The following IREB2 variants were observed in gnomAD, a reference collection of about 807,000 sequenced individuals.
IREB2 encodes iron responsive element binding protein 2, also known as iron-responsive element-binding protein 2.
A neutral mutation model predicts 118.8 loss-of-function variants in IREB2; 39 were observed. The ratio of observed to expected loss-of-function variants is 0.33; its 90% CI spans 0.25 to 0.43. IREB2 has a LOEUF of 0.43. Ranked by LOEUF, IREB2 falls within the 20% of genes least tolerant of loss-of-function variation. IREB2 has a pLI of 1.00. For synonymous variants in IREB2, 372 were observed against 392.2 expected (o/e 0.95, Z 0.61); for missense variants, 900 against 1,147.3 (o/e 0.78, Z 3.11).
intron 2 of IREB2, among the ~76,000 whole-genome samples, chr15:78,457,017 G>A (rs1192947642): frequency 6.6e-6 from 1 of 152,176 alleles, no homozygotes; most frequent in Non-Finnish European, 1.5e-5. Flanking sequence ...TCAATGTTGA[G>A]CATTTATGTT....
intron 13 of IREB2, among the ~76,000 whole-genome samples, chr15:78,486,675 A>C (rs969011307): frequency 1.3e-5 from 2 of 151,564 alleles, no homozygotes; most frequent in African/African-American, 2.4e-5. Context: ...TTGTGTGGGG[A>C]TTTTTTGGTT....
At position 78,484,815 on chromosome 15, in the gene IREB2, A is replaced by G. The variant is rs375327094; in HGVS notation, c.1468A>G (p.Ile490Val). The G allele has an allele frequency of 3.1e-6, 5 of 1,613,602 alleles. No individual in the cohort carries two copies. Among genetic ancestry groups the G allele is most frequent in the Non-Finnish European group, 3.4e-6 (4 of 1,179,586 alleles). The change falls in exon 12 of 22, where the codon ATT becomes GTT. Residue 490 changes from isoleucine (I) to valine (V), a missense_variant. Ile to Val is a conservative substitution (Grantham distance 29, BLOSUM62 3). Transcript: ENST00000258886. ...TGAAAAACAAAAGGATATTGTCTCC[A>G]TTCATTATGAAGGAAGTGAATATAA... ...AAEKQKDIVS[I>V]HYEGSEYKLS...
intron 8 of IREB2, chr15:78,474,498 T>G (rs2141494008): frequency 6.6e-6 from 1 of 152,360 alleles, no homozygotes; most frequent in Admixed American, 6.5e-5. Flanking sequence ...AATTCTTTAC[T>G]TTAGACATCC....
intron 13 of IREB2, among the ~76,000 whole-genome samples, chr15:78,486,809 G>A (rs550753832): frequency 7.9e-5 from 12 of 152,072 alleles, no homozygotes; most frequent in South Asian, 2.1e-4. Context: ...GGCTGGGACC[G>A]CAGGTGTGCA....
chr15:78,483,290 CT>C, intron 10 of IREB2, 27 bp from the exon 11 acceptor site: 1 of 1,053,406 alleles, frequency 9.5e-7, no homozygotes, highest in Non-Finnish European at 1.5e-6. Flanking sequence ...ATTCTAATTC[CT>C]TGTTCTTTCT....
chr15:78,446,734 A>G (rs1184580046), intron 2 of IREB2, among the ~76,000 whole-genome samples: 3 of 152,036 alleles, frequency 2.0e-5, no homozygotes, highest in Admixed American at 1.3e-4. Context: ...CCTTTCTCAC[A>G]AGACTTTTGG....
intron 2 of IREB2, among the ~76,000 whole-genome samples, chr15:78,448,346 T>G (rs2938670): frequency 0.36 from 54,388 of 151,938 alleles, 10,106 homozygotes; most frequent in African/African-American, 0.44. Flanking sequence ...GGTTTCACCA[T>G]GTTGGCCAGG....
intron 2 of IREB2, among the ~76,000 whole-genome samples, chr15:78,449,861 A>G (rs1226299126): frequency 2.0e-5 from 3 of 152,132 alleles, no homozygotes; most frequent in African/African-American, 7.2e-5. Flanking sequence ...GATCAAAAGG[A>G]TATTTATTGT....
chr15:78,480,472 C>T (rs1476527643), intron 10 of IREB2, among the ~76,000 whole-genome samples: 1 of 149,356 alleles, frequency 6.7e-6, no homozygotes, highest in African/African-American at 2.5e-5. Flanking sequence ...CTCCTGAGGT[C>T]AGGAGTTCAC....
intron 2 of IREB2, among the ~76,000 whole-genome samples, chr15:78,443,906 A>G (rs1595982806): frequency 6.6e-6 from 1 of 152,018 alleles, no homozygotes; most frequent in Non-Finnish European, 1.5e-5. Flanking sequence ...TTGGCCTCCC[A>G]AAGTGCTGGG....
chr15:78,467,416 G>T (rs1380827194), intron 5 of IREB2, among the ~76,000 whole-genome samples: 1 of 152,152 alleles, frequency 6.6e-6, no homozygotes, highest in South Asian at 2.1e-4. Flanking sequence ...CTATGGCCAG[G>T]CGCGGTGGCG....
chr15:78,476,507 T>G (rs545133173), intron 9 of IREB2, 148 bp downstream of exon 9: 6 of 556,420 alleles, frequency 1.1e-5, no homozygotes, highest in African/African-American at 9.3e-5. Context: ...ACATCAGATG[T>G]CTTTAAAGAG....
Position 78,465,301 on chromosome 15 carries a change from C to T in IREB2, c.323C>T (p.Thr108Ile). The part of the protein sequence containing the change: ...DFAAMREAVK[T>I]LGGDPEKVHP... ...GCTGCTATGAGGGAGGCAGTGAAAA[C>T]TCTTGGAGGTGATCCTGAGAAAGTC... is the stretch of plus-strand genomic sequence containing the variant. Residue 108 changes from threonine (T) to isoleucine (I), a missense_variant, in exon 4 of 22, where the codon ACT becomes ATT. Physicochemically the swap from Thr to Ile is moderately conservative, Grantham distance 89. Transcript: ENST00000258886. The T allele has an allele frequency of 6.2e-7, 1 of 1,613,462 alleles. No homozygotes were observed. Among genetic ancestry groups the T allele is most frequent in the Non-Finnish European group, 8.5e-7 (1 of 1,179,672 alleles).
rs140263085 is a variant in IREB2 at position 78,491,902 on chromosome 15, T to C, written c.2324+1141T>C. On this transcript the variant is annotated intron_variant, in intron 18 of 21. Coordinates refer to ENST00000258886, the MANE Select transcript of IREB2 (RefSeq NM_004136.4). ...CCTGTAAATATTTTTTTGGTTGTGA[T>C]TTCCATCTTCATCATAATTGTGACA... Among the ~76,000 whole-genome samples the C allele has an allele frequency of 1.2e-3, 185 of 152,308 alleles. 1 individual carries two copies. The highest frequency in any genetic ancestry group is 4.3e-3 in the African/African-American group (177 of 41,548).
chr15:78,473,475 TG>T, intron 8 of IREB2, 94 bp downstream of exon 8: 1 of 964,244 alleles, frequency 1.0e-6, no homozygotes, highest in Non-Finnish European at 1.6e-6. Flanking sequence ...GGTTCATTAC[TG>T]CATCCTCAGG....
intron 18 of IREB2, among the ~76,000 whole-genome samples, chr15:78,491,319 T>A (rs1161769350): frequency 1.3e-5 from 2 of 152,166 alleles, no homozygotes; most frequent in Admixed American, 1.3e-4. Context: ...CATTTCTACA[T>A]GATTAATCAT....
chr15:78,487,180 G>A (rs2051675167), intron 13 of IREB2, among the ~76,000 whole-genome samples: 1 of 53,612 alleles, frequency 1.9e-5, no homozygotes, highest in Non-Finnish European at 4.7e-5. Flanking sequence ...ACTCCTATCA[G>A]AGTGCCCAAT....
At chr15:78,463,306 T>C (rs549901135) in intron 3 of IREB2, among the ~76,000 whole-genome samples, 145 of 152,246 alleles carry the variant, frequency 9.5e-4, no homozygotes, top group African/African-American at 1.7e-3. Flanking sequence ...CCGAATGTAA[T>C]GGTGCATGCC....
intron 21 of IREB2, 151 bp from the exon 22 acceptor site, chr15:78,497,882 G>A: frequency 1.9e-6 from 1 of 538,706 alleles, no homozygotes; most frequent in Non-Finnish European, 3.3e-6. Flanking sequence ...CAAAGTTTCA[G>A]GCAATCAGAA....
Sources: gnomAD v4.1 joint callset for allele counts (sites outside exome capture counted in the v4.1 genomes callset) on GRCh38, gnomAD v4.1.1 for gene constraint, MANE v1.5 for transcripts, NCBI Gene and HGNC (gene_info 2026-07-23, HGNC 2026-07-21) for gene names.